The following NF1 variants were observed in gnomAD, a reference collection of about 807,000 sequenced individuals.
NF1 encodes the protein neurofibromin.
A neutral mutation model predicts 325.7 loss-of-function variants in NF1; 122 were observed. The ratio of observed to expected loss-of-function variants is 0.37; its 90% CI spans 0.32 to 0.44. The LOEUF is 0.44. Among genes scored for constraint, NF1 ranks in the 20% least tolerant of loss-of-function variants. The probability of loss-of-function intolerance (pLI) is 1.00; values close to 1 mark genes in which losing one functional copy is unlikely to be tolerated. For synonymous variants in NF1, 1,091 were observed against 1,186.0 expected, an observed-to-expected ratio of 0.92 and a Z score of 1.65; for missense variants, 2,140 against 3,415.4, an observed-to-expected ratio of 0.63 and a Z score of 9.31.
At chr17:31,203,285 T>C (rs922690579) in intron 11 of NF1, among the ~76,000 whole-genome samples, 2 of 152,132 alleles carry the variant, frequency 1.3e-5, no homozygotes, top group African/African-American at 4.8e-5. Flanking sequence ...GTATCAGAGA[T>C]CAAGTTATAT....
At chr17:31,180,642 CTGAA>C (rs2066111442) in intron 5 of NF1, among the ~76,000 whole-genome samples, 1 of 152,154 alleles carries the variant, frequency 6.6e-6, no homozygotes, top group South Asian at 2.1e-4. Flanking sequence ...CAATATCATA[CTGAA>C]TGGGCAAAAA....
chr17:31,311,474 G>A (rs2068874076), intron 36 of NF1, among the ~76,000 whole-genome samples: 1 of 152,108 alleles, frequency 6.6e-6, no homozygotes, highest in African/African-American at 2.4e-5. Flanking sequence ...AAATTTAGCA[G>A]TAGTATTATC....
At chr17:31,185,486 T>G (rs1028482411) in intron 8 of NF1, among the ~76,000 whole-genome samples, 1 of 152,136 alleles carries the variant, frequency 6.6e-6, no homozygotes, top group Admixed American at 6.5e-5. Flanking sequence ...GGATGGGAAA[T>G]AAATCCGAGT....
chr17:31,258,540 C>T (rs1299652689), intron 32 of NF1, 38 bp downstream of exon 32: 2 of 1,605,368 alleles, frequency 1.2e-6, no homozygotes, highest in Non-Finnish European at 1.7e-6. Flanking sequence ...TTAAATTCCC[C>T]TTCCAACTAA....
At chr17:31,207,914 T>C (rs1240897382) in intron 12 of NF1, among the ~76,000 whole-genome samples, 1 of 152,098 alleles carries the variant, frequency 6.6e-6, no homozygotes. Flanking sequence ...TGTTGGGGGG[T>C]TAATATTCAC....
intron 1 of NF1, among the ~76,000 whole-genome samples, chr17:31,107,388 A>G (rs902285432): frequency 2.0e-5 from 3 of 152,104 alleles, no homozygotes; most frequent in African/African-American, 7.2e-5. Flanking sequence ...TGTTCCTCTC[A>G]TGACACAAAC....
intron 36 of NF1, among the ~76,000 whole-genome samples, chr17:31,324,315 T>C (rs1032567879): frequency 2.4e-4 from 36 of 152,230 alleles, no homozygotes; most frequent in African/African-American, 8.4e-4. Context: ...GATCTGCCCG[T>C]CTTGGCCTCC....
intron 36 of NF1, among the ~76,000 whole-genome samples, chr17:31,303,097 A>G (rs1280229334): frequency 2.0e-5 from 3 of 152,222 alleles, no homozygotes; most frequent in Non-Finnish European, 4.4e-5. Context: ...AATGTCATGA[A>G]TGCCAGTGCT....
At chr17:31,270,071 G>T (rs1052771114) in intron 36 of NF1, among the ~76,000 whole-genome samples, 1 of 152,144 alleles carries the variant, frequency 6.6e-6, no homozygotes, top group African/African-American at 2.4e-5. Context: ...GCTTTAAAAA[G>T]GCCCAGAAAG....
intron 1 of NF1, among the ~76,000 whole-genome samples, chr17:31,098,041 C>T (rs973250462): frequency 5.3e-5 from 8 of 151,254 alleles, no homozygotes; most frequent in Middle Eastern, 3.4e-3. Flanking sequence ...AAGTTAAAGT[C>T]TCTGACCTTG....
At chr17:31,134,623 G>A (rs1366458522) in intron 1 of NF1, among the ~76,000 whole-genome samples, 1 of 152,172 alleles carries the variant, frequency 6.6e-6, no homozygotes, top group Admixed American at 6.5e-5. Flanking sequence ...TGACAGTCTT[G>A]GCTGGGTCTG....
Position 31,233,094 on chromosome 17 carries a change from G to A in NF1, c.3589G>A (p.Ala1197Thr), listed in dbSNP as rs2151435523. Residue 1197 changes from alanine (A) to threonine (T), a missense_variant, in exon 27 of 58, where the codon GCA (alanine) becomes ACA (threonine). Physicochemically the swap from Ala to Thr is moderately conservative, Grantham distance 58. Coordinates refer to ENST00000358273, the MANE Select transcript of NF1 (RefSeq NM_001042492.3). ...ACAAGGCACAGAATTTGACACACTTGCAGAAACAGTATTGGCTGATCGGTT... is the reference window on the plus strand; with the variant it reads ...ACAAGGCACAGAATTTGACACACTTACAGAAACAGTATTGGCTGATCGGTT... ...LQQGTEFDTL[A>T]ETVLADRFER... is the part of the protein sequence containing the mutation. 6.2e-7 allele frequency: 1 copy of A among 1,614,186 alleles called. No individual in the cohort carries two copies. The highest frequency in any genetic ancestry group is 8.5e-7 in the Non-Finnish European group (1 of 1,180,030).
chr17:31,330,537 C>G (rs774131239), intron 39 of NF1, 39 bp downstream of exon 39: 1 of 1,405,168 alleles, frequency 7.1e-7, no homozygotes, highest in South Asian at 1.2e-5. Context: ...AACAATTATT[C>G]TAAGAGAATT....
chr17:31,344,527 A>G (rs995624910), intron 48 of NF1, among the ~76,000 whole-genome samples: 1 of 152,236 alleles, frequency 6.6e-6, no homozygotes, highest in African/African-American at 2.4e-5. Flanking sequence ...ATTTTGTATT[A>G]ATTTAAATCA....
rs193231026 is a variant in NF1, at chr17:31,223,378, A to G, written c.1722-66A>G. 47 of 1,574,030 alleles carry G rather than the reference A, an allele frequency of 3.0e-5. No individual in the cohort carries two copies. In the South Asian group the frequency reaches 4.7e-4, roughly 16 times the overall value. On this transcript the variant is annotated intron_variant, in intron 15 of 57. Coordinates refer to ENST00000358273, the MANE Select transcript of NF1 (RefSeq NM_001042492.3). ...TTCATTATGGGAGAATGCCATTCTT[A>G]TGTCTGGTTATATCTGCATTAGGTT...
At chr17:31,150,421 CATTAT>C (rs1916852112) in intron 1 of NF1, among the ~76,000 whole-genome samples, 2 of 152,060 alleles carry the variant, frequency 1.3e-5, no homozygotes, top group African/African-American at 2.4e-5. Flanking sequence ...TGGTGGTTAC[CATTAT>C]ATTAATACCT....
chr17:31,235,689 AAAG>A lies in NF1; in HGVS notation c.3791_3793del (p.Glu1264del). 6.2e-7 allele frequency: 1 copy of A among 1,614,144 alleles called. No homozygotes were observed. The highest frequency in any genetic ancestry group is 8.5e-7 in the Non-Finnish European group (1 of 1,180,004). On this transcript the variant is annotated inframe_deletion, in exon 28 of 58. Coordinates refer to ENST00000358273, the MANE Select transcript of NF1 (RefSeq NM_001042492.3). ...CCAACTGCTCTGGAACATGTTTTCTAAAGAAGTAGAATTGGCAGACTCCATGCA... is the reference window on the plus strand; with the variant it reads ...CCAACTGCTCTGGAACATGTTTTCTAAAGTAGAATTGGCAGACTCCATGCA...
At chr17:31,177,152 C>T (rs2066039143) in intron 5 of NF1, among the ~76,000 whole-genome samples, 1 of 152,120 alleles carries the variant, frequency 6.6e-6, no homozygotes, top group African/African-American at 2.4e-5. Flanking sequence ...GAATGTTTTT[C>T]CGTTTGTTTG....
chr17:31,131,737 A>T (rs1226004904), intron 1 of NF1, among the ~76,000 whole-genome samples: 1 of 152,210 alleles, frequency 6.6e-6, no homozygotes, highest in African/African-American at 2.4e-5. Context: ...GTTTGTATCT[A>T]TGAGTAAGAT....
Sources: gnomAD v4.1 joint callset for allele counts (sites outside exome capture counted in the v4.1 genomes callset) on GRCh38, gnomAD v4.1.1 for gene constraint, MANE v1.5 for transcripts, NCBI Gene and HGNC (gene_info 2026-07-23, HGNC 2026-07-21) for gene names.